Variants in AXDND1 observed in about 807,000 individuals in gnomAD.
AXDND1 encodes axonemal dynein light chain domain containing 1.
Under a neutral mutation model 137.5 loss-of-function variants are expected in AXDND1, and 110 were observed. That is an observed-to-expected ratio of 0.80 (90% CI 0.69 to 0.94). AXDND1 has a LOEUF of 0.94. AXDND1 is among the 40% of genes least tolerant of loss of function. AXDND1 has a pLI of 0.00. For synonymous variants in AXDND1, 414 were observed against 399.7 expected (o/e 1.04, Z -0.43); for missense variants, 1,191 against 1,169.8 (o/e 1.02, Z -0.26).
chr1:179,554,281 A>G (rs1051888559), intron 25 of AXDND1, among the ~76,000 whole-genome samples: 8 of 152,204 alleles, frequency 5.3e-5, no homozygotes, highest in African/African-American at 1.9e-4. Flanking sequence ...AAAAATAATC[A>G]GAGTAATTTG....
intron 3 of AXDND1, 125 bp from the exon 4 acceptor site, chr1:179,369,846 GCTCT>G (rs1667856431): frequency 1.7e-6 from 1 of 581,446 alleles, no homozygotes; most frequent in East Asian, 2.9e-5. Context: ...TAAGAATTCT[GCTCT>G]CTTTTTTCCT....
intron 10 of AXDND1, among the ~76,000 whole-genome samples, chr1:179,394,263 T>C (rs1245180620): frequency 2.6e-5 from 4 of 152,238 alleles, no homozygotes; most frequent in African/African-American, 9.6e-5. Context: ...TCTGTATATA[T>C]TTGACATGGA....
At chr1:179,491,844 G>T (rs41267594) in intron 19 of AXDND1, 107 bp downstream of exon 19, 70,050 of 998,060 alleles carry the variant, frequency 0.07, 3,052 homozygotes, top group African/African-American at 0.18. Flanking sequence ...AACCTTGAAA[G>T]AAATACTAGT....
chr1:179,497,162 G>A (rs1420315960), intron 20 of AXDND1, among the ~76,000 whole-genome samples: 1 of 152,092 alleles, frequency 6.6e-6, no homozygotes, highest in African/African-American at 2.4e-5. Context: ...AGAATATTCT[G>A]TTATTGATGG....
intron 9 of AXDND1, among the ~76,000 whole-genome samples, chr1:179,390,739 A>G (rs1381739326): frequency 2.0e-5 from 3 of 147,736 alleles, no homozygotes; most frequent in African/African-American, 7.5e-5. Context: ...AGGAAAACAC[A>G]GCCTAGATTC....
chr1:179,528,633 T>G (rs1670764832), intron 23 of AXDND1, among the ~76,000 whole-genome samples: 1 of 144,348 alleles, frequency 6.9e-6, no homozygotes. Context: ...ATTCTCATCT[T>G]TAAACCTCTT....
chr1:179,485,499 T>C (rs1572037104), intron 18 of AXDND1, among the ~76,000 whole-genome samples: 1 of 152,014 alleles, frequency 6.6e-6, no homozygotes, highest in East Asian at 1.9e-4. Flanking sequence ...GAATCAAACC[T>C]CCAAGGATGT....
At chr1:179,496,099 T>C (rs1275695276) in intron 20 of AXDND1, among the ~76,000 whole-genome samples, 1 of 151,998 alleles carries the variant, frequency 6.6e-6, no homozygotes, top group Non-Finnish European at 1.5e-5. Flanking sequence ...CCCTCTTATA[T>C]GTTGCAAATT....
At chr1:179,522,959 C>T (rs1670204503) in intron 21 of AXDND1, among the ~76,000 whole-genome samples, 1 of 151,190 alleles carries the variant, frequency 6.6e-6, no homozygotes, top group Non-Finnish European at 1.5e-5. Context: ...CTATTGTGGG[C>T]ATTGAGCTTA....
intron 25 of AXDND1, chr1:179,535,175 A>C (rs10494517): frequency 0.33 from 209,767 of 629,686 alleles, 36,530 homozygotes; most frequent in South Asian, 0.4. Context: ...GTGAATGAAT[A>C]AAGTAGCTCA....
At chr1:179,406,465 C>T (rs1652991141) in intron 11 of AXDND1, among the ~76,000 whole-genome samples, 1 of 152,120 alleles carries the variant, frequency 6.6e-6, no homozygotes, top group Admixed American at 6.6e-5. Flanking sequence ...TTTGAAGGCC[C>T]CAACCATTAT....
chr1:179,493,866 G>A (rs1464793435), intron 20 of AXDND1, among the ~76,000 whole-genome samples: 2 of 151,704 alleles, frequency 1.3e-5, no homozygotes, highest in African/African-American at 4.8e-5. Context: ...TTCTTAAAAG[G>A]TGGTTAAACC....
At chr1:179,425,697 G>A (rs550392043) in intron 12 of AXDND1, among the ~76,000 whole-genome samples, 1 of 152,200 alleles carries the variant, frequency 6.6e-6, no homozygotes, top group Non-Finnish European at 1.5e-5. Flanking sequence ...TGTGCTTTGT[G>A]CTGGGCAGAA....
At chr1:179,547,677 C>A (rs1477165895) in intron 25 of AXDND1, among the ~76,000 whole-genome samples, 1 of 152,180 alleles carries the variant, frequency 6.6e-6, no homozygotes, top group African/African-American at 2.4e-5. Flanking sequence ...CCTGACCTGG[C>A]AGAGTTATAC....
rs1446645273 is a variant in AXDND1, at chr1:179,537,005, T to A, written c.3031+2043T>A. 2.0e-5 allele frequency among the ~76,000 whole-genome samples: 3 copies of A among 152,254 alleles called. No individual in the cohort carries two copies. The East Asian group carries it at 5.8e-4, about 29-fold the overall frequency. ...AATGGGAGTTCATTCATGATTTGGCTGTTTGTCTGTTATTGGTGTATAGCA... is the reference window on the plus strand; with the variant it reads ...AATGGGAGTTCATTCATGATTTGGCAGTTTGTCTGTTATTGGTGTATAGCA... On this transcript the variant is annotated intron_variant, in intron 25 of 25. Transcript: ENST00000367618.
Position 179,551,507 on chromosome 1 carries a change from C to A in AXDND1, c.3032-3005C>A, listed in dbSNP as rs538058659. On this transcript the variant is annotated intron_variant, in intron 25 of 25. Coordinates refer to ENST00000367618, the MANE Select transcript of AXDND1 (RefSeq NM_144696.6). ...TGTTCTTCATTCCCTGAAGGCTTCA[C>A]CACTATGCAGTATGACTCAGCAGAC... 2.1e-4 allele frequency: 341 copies of A among 1,602,306 alleles called. 2 individuals are homozygous for A. The South Asian group carries it at 2.6e-3, about 12-fold the overall frequency.
intron 17 of AXDND1, among the ~76,000 whole-genome samples, chr1:179,476,356 T>C (rs1165193851): frequency 6.6e-6 from 1 of 152,234 alleles, no homozygotes; most frequent in African/African-American, 2.4e-5. Flanking sequence ...ATGTCCTATG[T>C]TATTTTATAC....
intron 21 of AXDND1, among the ~76,000 whole-genome samples, chr1:179,509,773 C>T (rs1049356899): frequency 1.3e-5 from 2 of 152,156 alleles, no homozygotes; most frequent in African/African-American, 4.8e-5. Flanking sequence ...CACTTAATCC[C>T]ATGTCCAATG....
chr1:179,522,794 GA>G (rs1478063315), intron 21 of AXDND1, among the ~76,000 whole-genome samples: 2 of 107,936 alleles, frequency 1.9e-5, no homozygotes, highest in Non-Finnish European at 4.5e-5. Context: ...ATGTTATCAA[GA>G]AAAAAAGTAT....
Sources: allele counts gnomAD v4.1 joint callset (sites outside exome capture counted in the v4.1 genomes callset), GRCh38; gene constraint gnomAD v4.1.1; transcripts MANE v1.5; gene names NCBI Gene and HGNC (gene_info 2026-07-23, HGNC 2026-07-21).